OTUD7B: variants seen among roughly 807,000 people sequenced by gnomAD.
OTUD7B encodes the protein OTU deubiquitinase 7B.
OTUD7B carries 34 observed loss-of-function variants against 82.2 expected under a neutral mutation model. The observed-to-expected ratio is 0.41, with a 90% CI of 0.31 to 0.55. OTUD7B has a LOEUF of 0.55. OTUD7B is among the 20% of genes least tolerant of loss of function. OTUD7B has a pLI of 0.20. For synonymous variants in OTUD7B, 398 were observed against 402.7 expected (o/e 0.99, Z 0.14); for missense variants, 944 against 1,062.1 (o/e 0.89, Z 1.55).
chr1:149,971,859 T>C (rs1553777730), intron 2 of OTUD7B, among the ~76,000 whole-genome samples: 1 of 152,246 alleles, frequency 6.6e-6, no homozygotes, highest in Non-Finnish European at 1.5e-5. Context: ...TGATGCTTTC[T>C]CCAGCTAAAT....
intron 4 of OTUD7B, 49 bp downstream of exon 4, chr1:149,967,245 G>T: frequency 7.4e-7 from 1 of 1,343,956 alleles, no homozygotes; most frequent in Non-Finnish European, 1.1e-6. Flanking sequence ...AAGGCTGCCT[G>T]TAGGTGGAGA....
intron 1 of OTUD7B, among the ~76,000 whole-genome samples, chr1:150,006,330 G>A (rs1035218204): frequency 1.3e-5 from 2 of 152,030 alleles, no homozygotes; most frequent in South Asian, 2.1e-4. Flanking sequence ...GGTGGTGGGC[G>A]CCTGTAGTCC....
chr1:150,032,039 G>T, the OTUD7B span, among the ~76,000 whole-genome samples: 9 of 152,152 alleles, frequency 5.9e-5, no homozygotes, highest in Admixed American at 2.0e-4. Flanking sequence ...GGCCAGGCAC[G>T]GTGGCTCATG....
intron 1 of OTUD7B, among the ~76,000 whole-genome samples, chr1:150,005,226 A>T (rs1553785817): frequency 6.6e-6 from 1 of 152,164 alleles, no homozygotes; most frequent in African/African-American, 2.4e-5. Context: ...TCCCAACTGG[A>T]CTGTAAACTC....
At chr1:150,008,949 C>A (rs186593368) in intron 1 of OTUD7B, among the ~76,000 whole-genome samples, 1 of 152,204 alleles carries the variant, frequency 6.6e-6, no homozygotes, top group Non-Finnish European at 1.5e-5. Flanking sequence ...GAAATTAGAA[C>A]GGTCGGGGGT....
the OTUD7B span, among the ~76,000 whole-genome samples, chr1:150,051,090 G>A: frequency 4.2e-4 from 63 of 151,684 alleles, no homozygotes; most frequent in African/African-American, 1.4e-3. Flanking sequence ...TTAGCCAGGC[G>A]TGGTGGCAGG....
chr1:149,961,078 A>C (rs1468125854), intron 6 of OTUD7B: 2 of 150,924 alleles, frequency 1.3e-5, no homozygotes, highest in African/African-American at 4.9e-5. Context: ...TACAAAGCCT[A>C]CTTTCTGGCC....
At chr1:150,005,809 A>G (rs1225773245) in intron 1 of OTUD7B, among the ~76,000 whole-genome samples, 7 of 152,276 alleles carry the variant, frequency 4.6e-5, no homozygotes, top group Admixed American at 3.3e-4. Context: ...AACACAACAT[A>G]ATGTAGTGGC....
the OTUD7B span, among the ~76,000 whole-genome samples, chr1:150,058,579 T>G: frequency 6.6e-6 from 1 of 152,130 alleles, no homozygotes; most frequent in Non-Finnish European, 1.5e-5. Flanking sequence ...AAATACATGA[T>G]GTAATAAGAC....
chr1:150,059,070 T>G, the OTUD7B span, among the ~76,000 whole-genome samples: 1 of 149,348 alleles, frequency 6.7e-6, no homozygotes, highest in Non-Finnish European at 1.5e-5. Flanking sequence ...TTTTTTTTTT[T>G]TGTGACGGAG....
the OTUD7B span, among the ~76,000 whole-genome samples, chr1:150,027,994 G>A: frequency 6.6e-6 from 1 of 152,080 alleles, no homozygotes; most frequent in African/African-American, 2.4e-5. Flanking sequence ...ATCACTATCT[G>A]AATCACAAAA....
rs985784582 is a variant in OTUD7B, at chr1:149,945,236, T to C, written c.1324-171A>G. Reference sequence around the variant, plus strand: ...CCTATGAACTCCGTCCTCTGAGTGATTGCCTAGTGACTGCCTTGCTCCAGA... The same window carrying C: ...CCTATGAACTCCGTCCTCTGAGTGACTGCCTAGTGACTGCCTTGCTCCAGA... On this transcript the variant is annotated intron_variant, in intron 11 of 11. Transcript: ENST00000581312. Among the ~76,000 whole-genome samples the C allele has an allele frequency of 2.0e-5, 3 of 152,070 alleles. No individual in the cohort carries two copies. The East Asian group carries it at 5.8e-4, about 29-fold the overall frequency.
chr1:150,034,945 C>A, the OTUD7B span, among the ~76,000 whole-genome samples: 18 of 152,028 alleles, frequency 1.2e-4, no homozygotes, highest in South Asian at 3.7e-3. Context: ...GAGTTTGAGA[C>A]CACCCTGGCT....
the OTUD7B span, among the ~76,000 whole-genome samples, chr1:150,037,731 A>C: frequency 6.6e-6 from 1 of 152,092 alleles, no homozygotes; most frequent in Admixed American, 6.5e-5. Context: ...TTGGGATTAC[A>C]GGTGCATGCC....
intron 5 of OTUD7B, among the ~76,000 whole-genome samples, chr1:149,964,841 A>C (rs1571638627): frequency 6.7e-6 from 1 of 149,066 alleles, no homozygotes; most frequent in Admixed American, 6.7e-5. Context: ...TGATCCACCC[A>C]CCTTGGCATC....
intron 1 of OTUD7B, among the ~76,000 whole-genome samples, chr1:149,982,259 A>AC (rs1650806607): frequency 6.6e-6 from 1 of 151,010 alleles, no homozygotes; most frequent in Admixed American, 6.6e-5. Context: ...AGAGAAAAAA[A>AC]AAGACTTCAA....
intron 2 of OTUD7B, among the ~76,000 whole-genome samples, chr1:149,972,083 A>G (rs1649978566): frequency 6.6e-6 from 1 of 152,180 alleles, no homozygotes. Context: ...AATAAAACTC[A>G]GGCTCTTTGG....
At chr1:150,062,421 C>T in the OTUD7B span, among the ~76,000 whole-genome samples, 10 of 152,254 alleles carry the variant, frequency 6.6e-5, no homozygotes, top group Middle Eastern at 3.4e-3. Flanking sequence ...TTGAGCATCT[C>T]TTCGAATGTT....
At position 149,964,264 on chromosome 1, in the gene OTUD7B, C is replaced by T; in HGVS notation, c.690G>A (p.Leu230=). 6.2e-7 allele frequency: 1 copy of T among 1,614,012 alleles called. No homozygotes were observed. Residue 230 remains leucine, a synonymous_variant, in exon 6 of 12, where the codon TTG becomes TTA. Coordinates refer to ENST00000581312, the MANE Select transcript of OTUD7B (RefSeq NM_020205.4). The part of the protein sequence containing the change: ...LMEKGVEKEA[L]KRRWRWQQTQ... ...TCTGCTGCCACCTCCAGCGCCTTTT[C>T]AACGCTTCCTTCTCAACTCCCTTCT... is the stretch of plus-strand genomic sequence containing the variant.
Sources: gnomAD v4.1 joint callset for allele counts (sites outside exome capture counted in the v4.1 genomes callset) on GRCh38, gnomAD v4.1.1 for gene constraint, MANE v1.5 for transcripts, NCBI Gene and HGNC (gene_info 2026-07-23, HGNC 2026-07-21) for gene names.